The following IL12RB2 variants were observed in gnomAD, a reference collection of about 807,000 sequenced individuals.
The protein encoded by IL12RB2 is interleukin-12 receptor subunit beta-2.
IL12RB2 carries 82 observed loss-of-function variants against 89.4 expected under a neutral mutation model. The observed-to-expected ratio is 0.92, with a 90% CI of 0.77 to 1.10. The LOEUF (loss-of-function observed/expected upper bound fraction) is 1.10, where lower values mean the gene tolerates loss of function less well. IL12RB2 is among the 50% of genes least tolerant of loss of function. IL12RB2 has a pLI of 0.00. For missense variants in IL12RB2, 963 were observed against 1,031.9 expected, an observed-to-expected ratio of 0.93 and a Z score of 0.92; for synonymous variants, 368 against 370.1, an observed-to-expected ratio of 0.99 and a Z score of 0.07.
chr1:67,387,560 G>A (rs1204031106), intron 15 of IL12RB2, among the ~76,000 whole-genome samples: 1 of 151,690 alleles, frequency 6.6e-6, no homozygotes, highest in Non-Finnish European at 1.5e-5. Flanking sequence ...AATTAGCTGG[G>A]TGTGGTGGCA....
At chr1:67,391,803 A>T (rs916835059) in intron 16 of IL12RB2, among the ~76,000 whole-genome samples, 78 of 151,182 alleles carry the variant, frequency 5.2e-4, no homozygotes, top group African/African-American at 1.9e-3. Flanking sequence ...TGCCCGGCTA[A>T]TTTTTTTTTA....
intron 1 of IL12RB2, among the ~76,000 whole-genome samples, chr1:67,310,562 C>G (rs1000685275): frequency 6.6e-6 from 1 of 152,174 alleles, no homozygotes; most frequent in African/African-American, 2.4e-5. Flanking sequence ...GCAAGGCCAT[C>G]TAACTTAATT....
At chr1:67,379,930 T>G in intron 13 of IL12RB2, 56 bp from the exon 14 acceptor site, 1 of 1,290,922 alleles carries the variant, frequency 7.7e-7, no homozygotes, top group African/African-American at 1.5e-5. Flanking sequence ...AGTAGAAGCC[T>G]ACATTAAAAG....
chr1:67,386,911 T>C (rs1665248435), intron 15 of IL12RB2, among the ~76,000 whole-genome samples: 1 of 140,630 alleles, frequency 7.1e-6, no homozygotes, highest in Non-Finnish European at 1.5e-5. Context: ...TATATATATA[T>C]ATATATTCTT....
At chr1:67,308,912 C>T (rs12410535) in intron 1 of IL12RB2, among the ~76,000 whole-genome samples, 29,908 of 151,824 alleles carry the variant, frequency 0.2, 3,181 homozygotes, top group African/African-American at 0.27. Context: ...CCCAGCTACT[C>T]GGGAGACTGA....
At chr1:67,380,549 C>T (rs1419927875) in intron 14 of IL12RB2, among the ~76,000 whole-genome samples, 2 of 152,190 alleles carry the variant, frequency 1.3e-5, no homozygotes, top group African/African-American at 4.8e-5. Context: ...ATAATAGCAG[C>T]TATTGCATAT....
intron 2 of IL12RB2, among the ~76,000 whole-genome samples, chr1:67,319,587 C>T (rs1027086456): frequency 1.3e-5 from 2 of 152,070 alleles, no homozygotes; most frequent in African/African-American, 4.8e-5. Flanking sequence ...TCAAACTACT[C>T]TGTATGGTAT....
At chr1:67,340,306 G>A (rs1030154073) in intron 9 of IL12RB2, among the ~76,000 whole-genome samples, 2 of 152,120 alleles carry the variant, frequency 1.3e-5, no homozygotes, top group African/African-American at 4.8e-5. Context: ...CTCAAAGCAG[G>A]ACATTTAGAA....
At chr1:67,317,227 T>C (rs1655890734) in intron 2 of IL12RB2, among the ~76,000 whole-genome samples, 2 of 152,184 alleles carry the variant, frequency 1.3e-5, no homozygotes, top group African/African-American at 4.8e-5. Flanking sequence ...TGGCTGGTGA[T>C]AAAGACAGAA....
intron 1 of IL12RB2, among the ~76,000 whole-genome samples, chr1:67,308,782 G>A (rs1654630940): frequency 6.6e-6 from 1 of 152,286 alleles, no homozygotes; most frequent in East Asian, 1.9e-4. Context: ...CATTTTGGGA[G>A]GCCAAGGTGG....
chr1:67,374,065 A>G (rs1663664325), intron 13 of IL12RB2, among the ~76,000 whole-genome samples: 1 of 152,224 alleles, frequency 6.6e-6, no homozygotes, highest in Admixed American at 6.5e-5. Context: ...TCTTCCAGAA[A>G]AAAACAATTG....
chr1:67,346,373 T>G (rs1660223599), intron 9 of IL12RB2, among the ~76,000 whole-genome samples: 1 of 125,680 alleles, frequency 8.0e-6, no homozygotes, highest in African/African-American at 3.1e-5. Context: ...AGGTGAGGGT[T>G]GTCTATTTTT....
At chr1:67,387,195 G>A (rs780176857) in intron 15 of IL12RB2, among the ~76,000 whole-genome samples, 39 of 151,456 alleles carry the variant, frequency 2.6e-4, no homozygotes, top group Non-Finnish European at 5.4e-4. Flanking sequence ...CTCCCAAAGT[G>A]CTGGGATTAC....
chr1:67,390,402 T>C (rs926717741), intron 16 of IL12RB2, among the ~76,000 whole-genome samples: 13 of 151,336 alleles, frequency 8.6e-5, no homozygotes, highest in Non-Finnish European at 1.9e-4. Flanking sequence ...CTCACCAAAC[T>C]GCTCTCCTGT....
intron 1 of IL12RB2, among the ~76,000 whole-genome samples, chr1:67,312,463 A>G (rs1336079043): frequency 1.3e-5 from 2 of 152,146 alleles, no homozygotes; most frequent in Non-Finnish European, 2.9e-5. Context: ...TGTTCAATCT[A>G]TAGGATAAAA....
At chr1:67,308,283 G>C (rs1057048454) in intron 1 of IL12RB2, among the ~76,000 whole-genome samples, 1 of 152,010 alleles carries the variant, frequency 6.6e-6, no homozygotes, top group African/African-American at 2.4e-5. Context: ...CCGGGGCACA[G>C]AGTGGTGGGC....
intron 10 of IL12RB2, among the ~76,000 whole-genome samples, chr1:67,353,227 A>G (rs1158747023): frequency 6.6e-6 from 1 of 152,162 alleles, no homozygotes; most frequent in Non-Finnish European, 1.5e-5. Flanking sequence ...TACACATTAT[A>G]AGTGAAAAGG....
At chr1:67,362,745 G>A (rs1662241725) in intron 10 of IL12RB2, among the ~76,000 whole-genome samples, 1 of 152,072 alleles carries the variant, frequency 6.6e-6, no homozygotes, top group South Asian at 2.1e-4. Flanking sequence ...CCCACATAAA[G>A]ATTGAAGAAA....
At chr1:67,338,227 G>A (rs1382987924) in intron 8 of IL12RB2, among the ~76,000 whole-genome samples, 4 of 151,196 alleles carry the variant, frequency 2.6e-5, no homozygotes, top group South Asian at 2.1e-4. Context: ...TATGTGGGAG[G>A]CTGAGGCAGG....
Sources: allele counts gnomAD v4.1 joint callset (sites outside exome capture counted in the v4.1 genomes callset), GRCh38; gene constraint gnomAD v4.1.1; transcripts MANE v1.5; gene names NCBI Gene and HGNC (gene_info 2026-07-23, HGNC 2026-07-21).